SV2C: variants seen among roughly 807,000 people sequenced by gnomAD.
SV2C encodes synaptic vesicle glycoprotein 2C, also known as solute carrier family 22 member B3.
A neutral mutation model predicts 79.7 loss-of-function variants in SV2C; 49 were observed. The ratio of observed to expected loss-of-function variants is 0.61; its 90% confidence interval spans 0.49 to 0.78. The LOEUF (loss-of-function observed/expected upper bound fraction) is 0.78, where lower values mean the gene tolerates loss of function less well. SV2C is among the 30% of genes least tolerant of loss of function. The pLI is 0.00. For synonymous variants in SV2C, 334 were observed against 333.2 expected (o/e 1.00, Z -0.03); for missense variants, 833 against 912.9 (o/e 0.91, Z 1.13).
At chr5:75,988,190 T>A in the SV2C span, among the ~76,000 whole-genome samples, 1 of 151,934 alleles carries the variant, frequency 6.6e-6, no homozygotes, top group African/African-American at 2.4e-5. Context: ...TTTTTCCTAT[T>A]TAACATTATT....
chr5:76,101,190 G>A (rs1244867537), intron 1 of SV2C, among the ~76,000 whole-genome samples: 2 of 152,096 alleles, frequency 1.3e-5, no homozygotes, highest in Non-Finnish European at 2.9e-5. Context: ...AGAAACACAG[G>A]CAGTGGTGGG....
chr5:76,047,420 T>C, the SV2C span, among the ~76,000 whole-genome samples: 1 of 152,222 alleles, frequency 6.6e-6, no homozygotes. Context: ...CAGTTGCCAA[T>C]GGCTGCAGTT....
intron 4 of SV2C, among the ~76,000 whole-genome samples, chr5:76,212,100 T>C (rs950717747): frequency 2.0e-5 from 3 of 151,302 alleles, no homozygotes; most frequent in Non-Finnish European, 4.4e-5. Context: ...ATTCAAGATT[T>C]TTTTTTTTTA....
At chr5:76,134,454 C>T (rs1749000952) in intron 2 of SV2C, among the ~76,000 whole-genome samples, 1 of 152,162 alleles carries the variant, frequency 6.6e-6, no homozygotes, top group African/African-American at 2.4e-5. Flanking sequence ...CACACTAAGT[C>T]ATAGCAATAG....
chr5:76,301,693 G>T, intron 12 of SV2C, 148 bp downstream of exon 12: 3 of 841,848 alleles, frequency 3.6e-6, no homozygotes, highest in Non-Finnish European at 3.5e-6. Flanking sequence ...TGGATCACCT[G>T]TGGTCAGGAG....
chr5:75,999,752 C>T, the SV2C span, among the ~76,000 whole-genome samples: 1 of 151,708 alleles, frequency 6.6e-6, no homozygotes, highest in African/African-American at 2.4e-5. Flanking sequence ...GTTTACTCCT[C>T]ACAGTTCTGG....
At chr5:76,050,461 C>T in the SV2C span, among the ~76,000 whole-genome samples, 2 of 152,062 alleles carry the variant, frequency 1.3e-5, no homozygotes, top group Admixed American at 6.5e-5. Context: ...TAAAATGAGC[C>T]CCAGGTAACA....
the SV2C span, among the ~76,000 whole-genome samples, chr5:75,945,734 A>G: frequency 6.6e-6 from 1 of 152,130 alleles, no homozygotes; most frequent in African/African-American, 2.4e-5. Flanking sequence ...TATGTTCTCT[A>G]GGCTTAATGA....
intron 1 of SV2C, among the ~76,000 whole-genome samples, chr5:76,086,327 A>T (rs1747195972): frequency 6.6e-6 from 1 of 152,210 alleles, no homozygotes. Context: ...TCTTATTCTT[A>T]AGCAAACTTG....
the SV2C span, among the ~76,000 whole-genome samples, chr5:75,954,029 C>T: frequency 9.2e-5 from 14 of 152,010 alleles, no homozygotes; most frequent in East Asian, 2.7e-3. Flanking sequence ...TCTGTAATTG[C>T]ATTACTTAGT....
chr5:76,185,069 G>A (rs1743869991), intron 2 of SV2C, among the ~76,000 whole-genome samples: 1 of 152,240 alleles, frequency 6.6e-6, no homozygotes, highest in African/African-American at 2.4e-5. Flanking sequence ...CCAAAATGAA[G>A]GGGCTACAGG....
chr5:76,270,832 G>A (rs1289862348), intron 4 of SV2C, among the ~76,000 whole-genome samples: 1 of 151,522 alleles, frequency 6.6e-6, no homozygotes, highest in Non-Finnish European at 1.5e-5. Flanking sequence ...GCAGTGGTGC[G>A]ATCTCAGCTC....
At chr5:76,273,175 A>G in intron 4 of SV2C, among the ~76,000 whole-genome samples, 1 of 148,610 alleles carries the variant, frequency 6.7e-6, no homozygotes. Context: ...ATATATACAC[A>G]CATATATATA....
At chr5:76,162,604 T>A (rs1257058171) in intron 2 of SV2C, among the ~76,000 whole-genome samples, 3 of 152,190 alleles carry the variant, frequency 2.0e-5, no homozygotes, top group Non-Finnish European at 4.4e-5. Context: ...CTGTGAAAGA[T>A]GGATTATCTC....
chr5:75,947,052 G>A, the SV2C span, among the ~76,000 whole-genome samples: 2 of 152,082 alleles, frequency 1.3e-5, no homozygotes, highest in Non-Finnish European at 2.9e-5. Flanking sequence ...GTAGGGAGAG[G>A]TGGTCTTGGG....
the SV2C span, among the ~76,000 whole-genome samples, chr5:76,066,234 G>T: frequency 6.6e-6 from 1 of 151,970 alleles, no homozygotes; most frequent in Admixed American, 6.5e-5. Flanking sequence ...TTAAGAAAAT[G>T]TGGCACATAT....
chr5:76,089,943 T>C (rs1435457534), intron 1 of SV2C, among the ~76,000 whole-genome samples: 1 of 152,248 alleles, frequency 6.6e-6, no homozygotes, highest in Admixed American at 6.5e-5. Context: ...TCATAGGCAC[T>C]GTACTTTAAA....
chr5:75,902,636 A>C, the SV2C span, among the ~76,000 whole-genome samples: 2,048 of 152,216 alleles, frequency 0.013, 28 homozygotes, highest in Non-Finnish European at 0.02. Flanking sequence ...ATCTGTTTCC[A>C]TTGTAGTTTG....
intron 8 of SV2C, among the ~76,000 whole-genome samples, chr5:76,293,912 A>G (rs1351644075): frequency 1.3e-5 from 2 of 152,240 alleles, no homozygotes; most frequent in Non-Finnish European, 2.9e-5. Flanking sequence ...CGACAAGACC[A>G]GGATTCAAAC....
Sources: gnomAD v4.1 joint callset for allele counts (sites outside exome capture counted in the v4.1 genomes callset) on GRCh38, gnomAD v4.1.1 for gene constraint, MANE v1.5 for transcripts, NCBI Gene and HGNC (gene_info 2026-07-23, HGNC 2026-07-21) for gene names.